TBC1D5: variants seen among roughly 807,000 people sequenced by gnomAD.
TBC1D5 encodes the protein TBC1 domain family, member 5.
TBC1D5 carries 75 observed loss-of-function variants against 100.3 expected under a neutral mutation model. The ratio of observed to expected loss-of-function variants is 0.75; its 90% CI spans 0.62 to 0.91. The LOEUF (loss-of-function observed/expected upper bound fraction) is 0.91. TBC1D5 is among the 40% of genes least tolerant of loss of function. The pLI is 0.00. For missense variants in TBC1D5, 910 were observed against 942.4 expected (o/e 0.97, Z 0.45); for synonymous variants, 323 against 325.6 (o/e 0.99, Z 0.09).
At chr3:17,601,028 C>A (rs1429802659) in intron 2 of TBC1D5, among the ~76,000 whole-genome samples, 1 of 152,170 alleles carries the variant, frequency 6.6e-6, no homozygotes, top group Non-Finnish European at 1.5e-5. Context: ...CTTCCCAGTC[C>A]TCCCTACAGG....
intron 2 of TBC1D5, among the ~76,000 whole-genome samples, chr3:17,560,906 G>A (rs2096554499): frequency 6.6e-6 from 1 of 150,606 alleles, no homozygotes; most frequent in Non-Finnish European, 1.5e-5. Context: ...GGGCGACAGA[G>A]CAAGACTCCA....
chr3:17,511,211 T>A (rs2095902254), intron 2 of TBC1D5, among the ~76,000 whole-genome samples: 1 of 152,048 alleles, frequency 6.6e-6, no homozygotes, highest in Non-Finnish European at 1.5e-5. Flanking sequence ...TAAACACTTT[T>A]CAAAATTTTA....
At chr3:17,239,532 C>A (rs1345417132) in intron 16 of TBC1D5, among the ~76,000 whole-genome samples, 1 of 152,166 alleles carries the variant, frequency 6.6e-6, no homozygotes, top group Non-Finnish European at 1.5e-5. Flanking sequence ...CTTCCTCAGT[C>A]TTTGGTCCAC....
chr3:17,385,055 G>A (rs965664239), intron 8 of TBC1D5, among the ~76,000 whole-genome samples: 1 of 152,072 alleles, frequency 6.6e-6, no homozygotes, highest in Non-Finnish European at 1.5e-5. Context: ...AAAAGCCTGT[G>A]TTCAAATTCA....
chr3:17,437,673 GA>G (rs1311862798), intron 3 of TBC1D5, among the ~76,000 whole-genome samples: 1 of 128,860 alleles, frequency 7.8e-6, no homozygotes, highest in Non-Finnish European at 1.6e-5. Context: ...ATTTGGGAGA[GA>G]GGGGGCAGAG....
At chr3:17,702,748 G>A (rs540925551) in intron 1 of TBC1D5, among the ~76,000 whole-genome samples, 5 of 152,066 alleles carry the variant, frequency 3.3e-5, no homozygotes, top group Non-Finnish European at 7.4e-5. Context: ...ATTGCTTATT[G>A]AGCCTTAATA....
chr3:17,461,605 G>A (rs1181845020), intron 3 of TBC1D5, among the ~76,000 whole-genome samples: 1 of 152,112 alleles, frequency 6.6e-6, no homozygotes, highest in Non-Finnish European at 1.5e-5. Context: ...AGGGCTTGGA[G>A]TACTGTGTAT....
intron 3 of TBC1D5, among the ~76,000 whole-genome samples, chr3:17,443,185 G>A (rs2094705536): frequency 6.6e-6 from 1 of 152,126 alleles, no homozygotes; most frequent in African/African-American, 2.4e-5. Flanking sequence ...CATAACTTGA[G>A]AAGTTTATTT....
At chr3:17,410,955 A>G (rs1210580001) in intron 4 of TBC1D5, among the ~76,000 whole-genome samples, 1 of 152,186 alleles carries the variant, frequency 6.6e-6, no homozygotes, top group Non-Finnish European at 1.5e-5. Context: ...ACTGAGTCCA[A>G]TTTTGAAACA....
chr3:17,727,917 C>A (rs1404171381), intron 1 of TBC1D5, among the ~76,000 whole-genome samples: 1 of 152,074 alleles, frequency 6.6e-6, no homozygotes, highest in Non-Finnish European at 1.5e-5. Flanking sequence ...AAGTAGAAAT[C>A]CACACTATAT....
intron 13 of TBC1D5, among the ~76,000 whole-genome samples, chr3:17,370,778 C>G (rs529705752): frequency 6.6e-6 from 1 of 152,228 alleles, no homozygotes; most frequent in African/African-American, 2.4e-5. Context: ...AGACCCTGCT[C>G]TGGGTGACTT....
chr3:17,633,122 C>T (rs1217642857), intron 1 of TBC1D5, among the ~76,000 whole-genome samples: 1 of 152,034 alleles, frequency 6.6e-6, no homozygotes. Context: ...CCTGAAATAT[C>T]CATTATCTAA....
At chr3:17,643,794 G>C (rs1033755929) in intron 1 of TBC1D5, among the ~76,000 whole-genome samples, 1 of 152,086 alleles carries the variant, frequency 6.6e-6, no homozygotes, top group Non-Finnish European at 1.5e-5. Flanking sequence ...CAGCTGTACT[G>C]TTTTGTTTTA....
At chr3:17,283,836 G>A (rs1183256157) in intron 15 of TBC1D5, among the ~76,000 whole-genome samples, 1 of 151,992 alleles carries the variant, frequency 6.6e-6, no homozygotes, top group Non-Finnish European at 1.5e-5. Flanking sequence ...CCACTCTCAG[G>A]CACGTTCCCC....
chr3:17,212,509 A>T (rs2596663), intron 18 of TBC1D5, among the ~76,000 whole-genome samples: 61,571 of 151,610 alleles, frequency 0.41, 13,146 homozygotes, highest in Middle Eastern at 0.5. Flanking sequence ...TATATATATA[A>T]AAAAAGAGTT....
chr3:17,405,173 G>T (rs556044236), intron 5 of TBC1D5, among the ~76,000 whole-genome samples: 1 of 152,038 alleles, frequency 6.6e-6, no homozygotes, highest in East Asian at 1.9e-4. Flanking sequence ...CAAAAAGCAA[G>T]ATAACAAAAG....
chr3:17,204,000 C>G (rs1396232421), intron 18 of TBC1D5, among the ~76,000 whole-genome samples: 1 of 152,210 alleles, frequency 6.6e-6, no homozygotes, highest in Non-Finnish European at 1.5e-5. Context: ...CTGCCTGATA[C>G]AGATCCCCCC....
At chr3:17,398,138 G>T (rs1359934663) in intron 8 of TBC1D5, among the ~76,000 whole-genome samples, 12 of 151,956 alleles carry the variant, frequency 7.9e-5, no homozygotes, top group Admixed American at 7.9e-4. Flanking sequence ...TTTGAAACAT[G>T]GCAACATTTG....
At chr3:17,726,444 G>C (rs1486137795) in intron 1 of TBC1D5, among the ~76,000 whole-genome samples, 1 of 152,148 alleles carries the variant, frequency 6.6e-6, no homozygotes. Context: ...GGTTTGATTT[G>C]CATTTCCCTA....
Sources: allele counts gnomAD v4.1 joint callset (sites outside exome capture counted in the v4.1 genomes callset), GRCh38; gene constraint gnomAD v4.1.1; transcripts MANE v1.5; gene names NCBI Gene and HGNC (gene_info 2026-07-23, HGNC 2026-07-21).